Variants in OXR1 observed in about 807,000 individuals in gnomAD.
The protein encoded by OXR1 is oxidation resistance 1.
OXR1 carries 41 observed loss-of-function variants against 104.6 expected under a neutral mutation model. The ratio of observed to expected loss-of-function variants is 0.39; its 90% CI spans 0.31 to 0.51. The LOEUF (loss-of-function observed/expected upper bound fraction) is 0.51, where lower values mean the gene tolerates loss of function less well. Ranked by LOEUF, OXR1 falls within the 20% of genes least tolerant of loss-of-function variation. The pLI, the probability that OXR1 is intolerant of heterozygous loss-of-function variation, is 0.77. For synonymous variants in OXR1, 348 were observed against 348.4 expected (o/e 1.00, Z 0.01); for missense variants, 955 against 1,031.9 (o/e 0.93, Z 1.02).
intron 3 of OXR1, among the ~76,000 whole-genome samples, chr8:106,615,737 C>A (rs1183117890): frequency 6.6e-6 from 1 of 152,100 alleles, no homozygotes; most frequent in East Asian, 1.9e-4. Flanking sequence ...CAAAACATTT[C>A]TGTTCTCTCC....
At chr8:106,283,447 TC>T (rs1158482757) in intron 1 of OXR1, among the ~76,000 whole-genome samples, 2 of 152,198 alleles carry the variant, frequency 1.3e-5, no homozygotes, top group Non-Finnish European at 2.9e-5. Flanking sequence ...GGCCCATAGA[TC>T]AGGGATATTT....
At chr8:106,488,740 G>A (rs1234383425) in intron 2 of OXR1, among the ~76,000 whole-genome samples, 1 of 143,870 alleles carries the variant, frequency 7.0e-6, no homozygotes, top group Non-Finnish European at 1.5e-5. Flanking sequence ...TTGTAGTTAT[G>A]TGGCATTATT....
At chr8:106,697,534 C>T (rs757715324) in intron 7 of OXR1, 26 of 1,611,246 alleles carry the variant, frequency 1.6e-5, no homozygotes, top group Non-Finnish European at 2.1e-5. Context: ...CGAGAAGTTC[C>T]GAGGATTCTC....
intron 2 of OXR1, among the ~76,000 whole-genome samples, chr8:106,496,529 C>T (rs1437171267): frequency 1.3e-5 from 2 of 152,188 alleles, no homozygotes; most frequent in Admixed American, 1.3e-4. Context: ...CAGCCATCAT[C>T]TCCAACATTA....
chr8:106,504,448 A>G (rs1196222970), intron 2 of OXR1, among the ~76,000 whole-genome samples: 1 of 152,216 alleles, frequency 6.6e-6, no homozygotes, highest in African/African-American at 2.4e-5. Flanking sequence ...GGTAGTTACT[A>G]TGTGCCTGGC....
Position 106,273,640 on chromosome 8 carries a change from A to G in OXR1, c.-139+3273A>G, listed in dbSNP as rs371219909. 5.3e-5 allele frequency among the ~76,000 whole-genome samples: 8 copies of G among 152,370 alleles called. No individual in the cohort carries two copies. In the East Asian group the frequency reaches 7.7e-4, roughly 15 times the overall value. Reference sequence around the variant, plus strand: ...CTTAACATTAAAAGCAACCCCTTTTAGGATACTTTCAAATATTCCTATTGG... The same window carrying G: ...CTTAACATTAAAAGCAACCCCTTTTGGGATACTTTCAAATATTCCTATTGG... On this transcript the variant is annotated intron_variant, in intron 1 of 16. Transcript: ENST00000517566.
chr8:106,487,341 T>A (rs1586707119), intron 2 of OXR1, among the ~76,000 whole-genome samples: 2 of 146,492 alleles, frequency 1.4e-5, no homozygotes, highest in African/African-American at 5.2e-5. Context: ...AGGTATTTCT[T>A]TTTTTTTTTT....
intron 8 of OXR1, among the ~76,000 whole-genome samples, chr8:106,703,822 G>A (rs554346801): frequency 9.2e-4 from 140 of 152,230 alleles, no homozygotes; most frequent in African/African-American, 3.2e-3. Flanking sequence ...AGCAAGGAAG[G>A]AAATTGATAT....
intron 1 of OXR1, among the ~76,000 whole-genome samples, chr8:106,342,372 T>A (rs1005443343): frequency 2.1e-4 from 32 of 151,622 alleles, no homozygotes; most frequent in African/African-American, 7.8e-4. Flanking sequence ...TGCCTCAGCC[T>A]CCTGAGTAGC....
intron 2 of OXR1, among the ~76,000 whole-genome samples, chr8:106,510,910 T>C (rs1812481376): frequency 6.6e-6 from 1 of 152,252 alleles, no homozygotes; most frequent in Non-Finnish European, 1.5e-5. Flanking sequence ...TCCCAAAGGA[T>C]ACTTCTGTTG....
rs200739553 is a variant in OXR1, at chr8:106,283,975, CT to C, written c.-139+13618del. On this transcript the variant is annotated intron_variant, in intron 1 of 16. Coordinates refer to ENST00000517566, the MANE Select transcript of OXR1 (RefSeq NM_001198533.2). Reference sequence around the variant, plus strand: ...AACAGCAGTTTTAGGTTGCATGAAACTTTTTTTTTTAACCCTTTGACCAGCC... The same window carrying C: ...AACAGCAGTTTTAGGTTGCATGAAACTTTTTTTTTAACCCTTTGACCAGCC... 1.0e-3 allele frequency among the ~76,000 whole-genome samples: 153 copies of C among 149,326 alleles called. 1 individual carries two copies. The highest frequency in any genetic ancestry group is 2.8e-3 in the African/African-American group (114 of 40,678).
chr8:106,504,248 G>A (rs1056624336), intron 2 of OXR1, among the ~76,000 whole-genome samples: 1 of 152,178 alleles, frequency 6.6e-6, no homozygotes, highest in Non-Finnish European at 1.5e-5. Context: ...CCAGACCAGT[G>A]TTGTTTTAAT....
At chr8:106,712,902 A>T (rs1831842176) in intron 10 of OXR1, among the ~76,000 whole-genome samples, 1 of 151,998 alleles carries the variant, frequency 6.6e-6, no homozygotes, top group African/African-American at 2.4e-5. Flanking sequence ...TTTACATGGA[A>T]TTCCCTATTT....
chr8:106,518,211 G>T (rs1275961063), intron 2 of OXR1, among the ~76,000 whole-genome samples: 1 of 152,196 alleles, frequency 6.6e-6, no homozygotes, highest in Non-Finnish European at 1.5e-5. Flanking sequence ...CTTGAAAAAT[G>T]ACACTTAACA....
chr8:106,609,729 A>C (rs1418523790), intron 3 of OXR1, among the ~76,000 whole-genome samples: 3 of 152,156 alleles, frequency 2.0e-5, no homozygotes, highest in Non-Finnish European at 4.4e-5. Context: ...TATATAAAAG[A>C]CTACCCATAT....
chr8:106,694,750 A>AT (rs1829736068), intron 7 of OXR1, among the ~76,000 whole-genome samples: 1 of 113,824 alleles, frequency 8.8e-6, no homozygotes, highest in East Asian at 2.7e-4. Flanking sequence ...ATATTTATAT[A>AT]TTAATATATA....
intron 3 of OXR1, among the ~76,000 whole-genome samples, chr8:106,566,921 C>T (rs935397891): frequency 6.6e-6 from 1 of 151,980 alleles, no homozygotes; most frequent in African/African-American, 2.4e-5. Context: ...ACAATGAAAA[C>T]ATATGGGCAC....
At chr8:106,357,739 GAA>G (rs1472787473) in intron 1 of OXR1, among the ~76,000 whole-genome samples, 8 of 152,222 alleles carry the variant, frequency 5.3e-5, no homozygotes, top group African/African-American at 1.9e-4. Flanking sequence ...TAAGGAAGCT[GAA>G]GTTTGATATT....
intron 6 of OXR1, among the ~76,000 whole-genome samples, chr8:106,688,760 GGTTA>G (rs1828997103): frequency 6.6e-6 from 1 of 152,076 alleles, no homozygotes; most frequent in Non-Finnish European, 1.5e-5. Context: ...GAAGAATGAT[GGTTA>G]GTAAGTGGTA....
Sources: gnomAD v4.1 joint callset for allele counts (sites outside exome capture counted in the v4.1 genomes callset) on GRCh38, gnomAD v4.1.1 for gene constraint, MANE v1.5 for transcripts, NCBI Gene and HGNC (gene_info 2026-07-23, HGNC 2026-07-21) for gene names.